Variants in USH2A observed in about 807,000 individuals in gnomAD.
USH2A encodes the protein Usher syndrome 2A (autosomal recessive, mild).
USH2A carries 443 observed loss-of-function variants against 538.9 expected under a neutral mutation model. That is an observed-to-expected ratio of 0.82 (90% CI 0.76 to 0.89). USH2A has a LOEUF of 0.89. Among genes scored for constraint, USH2A ranks in the 40% least tolerant of loss-of-function variants. The pLI, the probability that USH2A is intolerant of heterozygous loss-of-function variation, is 0.00. For synonymous variants in USH2A, 2,413 were observed against 2,273.5 expected, an observed-to-expected ratio of 1.06 and a Z score of -1.75; for missense variants, 6,633 against 6,324.8, an observed-to-expected ratio of 1.05 and a Z score of -1.65.
chr1:216,105,717 A>T (rs2102580946), intron 21 of USH2A, among the ~76,000 whole-genome samples: 1 of 152,228 alleles, frequency 6.6e-6, no homozygotes, highest in East Asian at 1.9e-4. Flanking sequence ...GGCTATTTTA[A>T]CAATATTTTG....
chr1:215,846,520 T>C (rs1663851223), intron 44 of USH2A, among the ~76,000 whole-genome samples: 1 of 152,208 alleles, frequency 6.6e-6, no homozygotes, highest in Non-Finnish European at 1.5e-5. Flanking sequence ...GGTCAGTTTT[T>C]ATTTTTTAAT....
intron 21 of USH2A, among the ~76,000 whole-genome samples, chr1:216,171,025 T>A (rs932930248): frequency 9.9e-5 from 15 of 152,170 alleles, no homozygotes; most frequent in African/African-American, 3.4e-4. Context: ...CTGCTTTTTT[T>A]ATAACATCTG....
intron 37 of USH2A, among the ~76,000 whole-genome samples, chr1:215,958,042 G>T (rs1453050658): frequency 6.6e-6 from 1 of 152,066 alleles, no homozygotes; most frequent in African/African-American, 2.4e-5. Context: ...TTTCCTAACA[G>T]CATTAGCCTT....
chr1:216,394,307 C>T lies in USH2A; in HGVS notation c.651+24207G>A, dbSNP rs530826835. Among the ~76,000 whole-genome samples, 20 of 144,758 alleles carry T rather than the reference C, an allele frequency of 1.4e-4. No homozygotes were observed. In the Admixed American group the frequency reaches 1.4e-3, roughly 10 times the overall value. The allele number at this position is 144,758 out of a possible 152,430, so 95.0% of individuals were successfully genotyped here. On this transcript the variant is annotated intron_variant, in intron 3 of 71. Transcript: ENST00000307340. ...TTAAACATACACCTACCATGTGGCA[C>T]AGCAATCCTTTTCCCAGATATTTAT...
At chr1:215,816,600 C>T (rs1315573904) in intron 48 of USH2A, among the ~76,000 whole-genome samples, 1 of 152,010 alleles carries the variant, frequency 6.6e-6, no homozygotes. Flanking sequence ...CTAATATGAA[C>T]ATTAATCTAC....
intron 22 of USH2A, among the ~76,000 whole-genome samples, chr1:216,096,556 C>T (rs767167690): frequency 4.6e-5 from 7 of 152,026 alleles, no homozygotes; most frequent in Non-Finnish European, 1.0e-4. Flanking sequence ...ACATAGAATC[C>T]TAAATCTTTA....
chr1:215,880,305 T>C lies in USH2A; in HGVS notation c.8224-1207A>G, dbSNP rs189047389. Among the ~76,000 whole-genome samples the C allele has an allele frequency of 5.3e-5, 8 of 152,264 alleles. No homozygotes were observed. In the East Asian group the frequency reaches 1.4e-3, roughly 26 times the overall value. On this transcript the variant is annotated intron_variant, in intron 41 of 71. Transcript: ENST00000307340. ...TGACCTGAGATTTTTTAAAGAGTAT[T>C]CTTACTAATAATTGGTGACAAAAGG...
At chr1:216,315,403 A>G (rs1001893552) in intron 9 of USH2A, among the ~76,000 whole-genome samples, 7 of 152,152 alleles carry the variant, frequency 4.6e-5, no homozygotes, top group Admixed American at 1.3e-4. Context: ...GGCAAAACTA[A>G]TCTGTATTGA....
intron 61 of USH2A, among the ~76,000 whole-genome samples, chr1:215,716,643 T>C (rs1198821526): frequency 6.6e-6 from 1 of 152,240 alleles, no homozygotes; most frequent in Non-Finnish European, 1.5e-5. Flanking sequence ...GACATGACCA[T>C]TATCTTTCAG....
chr1:215,832,571 G>C (rs905914619), intron 47 of USH2A, among the ~76,000 whole-genome samples: 3 of 151,866 alleles, frequency 2.0e-5, no homozygotes, highest in Admixed American at 2.0e-4. Flanking sequence ...AATGAAAATT[G>C]TCAGCAAATT....
At chr1:216,108,035 G>A (rs1180942693) in intron 21 of USH2A, among the ~76,000 whole-genome samples, 2 of 151,568 alleles carry the variant, frequency 1.3e-5, no homozygotes, top group Non-Finnish European at 3.0e-5. Flanking sequence ...GTCTTCAAAA[G>A]AGTTTTTAAT....
intron 30 of USH2A, among the ~76,000 whole-genome samples, chr1:216,067,109 C>A (rs1339165967): frequency 6.6e-6 from 1 of 152,140 alleles, no homozygotes; most frequent in Non-Finnish European, 1.5e-5. Flanking sequence ...AGAGGAAGTG[C>A]AGGAACATGG....
intron 30 of USH2A, among the ~76,000 whole-genome samples, chr1:216,053,462 T>A (rs1242845374): frequency 6.7e-6 from 1 of 150,168 alleles, no homozygotes; most frequent in Admixed American, 6.6e-5. Flanking sequence ...GTCTTTTTTT[T>A]TTTTTTTTTT....
intron 4 of USH2A, among the ~76,000 whole-genome samples, chr1:216,331,245 AT>A (rs1463190949): frequency 6.6e-6 from 1 of 152,152 alleles, no homozygotes; most frequent in Non-Finnish European, 1.5e-5. Context: ...CTACTTGCCA[AT>A]TTTTTAACAA....
chr1:216,120,243 A>G, intron 21 of USH2A, among the ~76,000 whole-genome samples: 1 of 106,694 alleles, frequency 9.4e-6, no homozygotes, highest in Admixed American at 9.1e-5. Context: ...AAAAAAAAAA[A>G]AAAAAAAATG....
chr1:215,849,064 C>T (rs1168183222), intron 44 of USH2A, among the ~76,000 whole-genome samples: 1 of 152,136 alleles, frequency 6.6e-6, no homozygotes, highest in Non-Finnish European at 1.5e-5. Context: ...AAATTTCACC[C>T]TCCCTGTCTA....
rs757111283 is a variant in USH2A, at chr1:216,391,745, G to A, written c.652-26660C>T. 7.2e-5 allele frequency among the ~76,000 whole-genome samples: 11 copies of A among 152,200 alleles called. No homozygotes were observed. Among genetic ancestry groups the A allele is most frequent in the South Asian group, 2.1e-4 (1 of 4,832 alleles). On this transcript the variant is annotated intron_variant, in intron 3 of 71. Coordinates refer to ENST00000307340, the MANE Select transcript of USH2A (RefSeq NM_206933.4). ...CCAACAAGAGAACTAAGGTGAGTGAGGTTAAGTGACTTGCCTAGGGTTGTT... is the reference window on the plus strand; with the variant it reads ...CCAACAAGAGAACTAAGGTGAGTGAAGTTAAGTGACTTGCCTAGGGTTGTT...
chr1:215,789,904 A>G (rs1661931896), intron 51 of USH2A, among the ~76,000 whole-genome samples, 155 bp downstream of exon 51: 1 of 152,212 alleles, frequency 6.6e-6, no homozygotes, highest in Non-Finnish European at 1.5e-5. Context: ...AACATCAATC[A>G]TAGCGAACTC....
intron 14 of USH2A, among the ~76,000 whole-genome samples, chr1:216,224,002 C>T (rs2035512881): frequency 6.6e-6 from 1 of 152,158 alleles, no homozygotes. Flanking sequence ...CCTTTATTCT[C>T]CCTAACCAGC....
Sources: gnomAD v4.1 joint callset for allele counts (sites outside exome capture counted in the v4.1 genomes callset) on GRCh38, gnomAD v4.1.1 for gene constraint, MANE v1.5 for transcripts, NCBI Gene and HGNC (gene_info 2026-07-23, HGNC 2026-07-21) for gene names.